The following CUX1 variants were observed in gnomAD, a reference collection of about 807,000 sequenced individuals.
CUX1 encodes cut like homeobox 1.
CUX1 carries 31 observed loss-of-function variants against 158.8 expected under a neutral mutation model. The observed-to-expected ratio is 0.20, with a 90% CI of 0.15 to 0.26. The LOEUF (loss-of-function observed/expected upper bound fraction) is 0.26. CUX1 is among the 10% of genes least tolerant of loss of function. CUX1 has a pLI of 1.00. For missense variants in CUX1, 1,589 were observed against 2,014.6 expected (o/e 0.79, Z 4.04); for synonymous variants, 879 against 862.1 (o/e 1.02, Z -0.34).
intron 1 of CUX1, among the ~76,000 whole-genome samples, chr7:101,898,470 C>T (rs1801765933): frequency 6.6e-6 from 1 of 152,164 alleles, no homozygotes; most frequent in Non-Finnish European, 1.5e-5. Context: ...CTCGTAATTC[C>T]CTCTTAGTTT....
At chr7:102,042,281 C>G (rs576683649) in intron 3 of CUX1, among the ~76,000 whole-genome samples, 1 of 152,134 alleles carries the variant, frequency 6.6e-6, no homozygotes, top group Non-Finnish European at 1.5e-5. Context: ...CCTGACATTC[C>G]GGTGTAGAAG....
chr7:101,864,725 A>G (rs1797777002), intron 1 of CUX1, among the ~76,000 whole-genome samples: 1 of 151,270 alleles, frequency 6.6e-6, no homozygotes, highest in Non-Finnish European at 1.5e-5. Context: ...TAATTTTTAT[A>G]TTTTTAGTAG....
intron 3 of CUX1, among the ~76,000 whole-genome samples, chr7:102,064,470 C>T (rs879765179): frequency 1.1e-4 from 16 of 151,886 alleles, no homozygotes; most frequent in Admixed American, 6.5e-5. Flanking sequence ...TCACCTTAGA[C>T]GTTTGCTCAT....
At chr7:102,214,261 C>T (rs149013319) in intron 20 of CUX1, among the ~76,000 whole-genome samples, 139 of 152,298 alleles carry the variant, frequency 9.1e-4, no homozygotes, top group African/African-American at 3.3e-3. Context: ...TGGTGGCTGA[C>T]GCCTGTAATC....
intron 13 of CUX1, among the ~76,000 whole-genome samples, chr7:102,194,949 A>G (rs1168522529): frequency 6.6e-6 from 1 of 152,024 alleles, no homozygotes; most frequent in Non-Finnish European, 1.5e-5. Flanking sequence ...ACTTGAACCC[A>G]GGAGCCAGAG....
At chr7:102,034,981 A>C (rs1337849216) in intron 3 of CUX1, among the ~76,000 whole-genome samples, 1 of 151,742 alleles carries the variant, frequency 6.6e-6, no homozygotes, top group Non-Finnish European at 1.5e-5. Flanking sequence ...CTAGGAATAG[A>C]GGGAAACATC....
chr7:102,199,012 C>T (rs1308732245), intron 16 of CUX1, 145 bp downstream of exon 16: 12 of 723,298 alleles, frequency 1.7e-5, no homozygotes, highest in East Asian at 2.7e-5. Context: ...AAACAAGGCA[C>T]GGGTTCAAGC....
chr7:101,877,756 TTGTGTGTGTGTGTGTGTG>T (rs112494807), intron 1 of CUX1, among the ~76,000 whole-genome samples: 76 of 148,942 alleles, frequency 5.1e-4, no homozygotes, highest in African/African-American at 9.4e-4. Context: ...ATCCCTCCAA[TTGTGTGTGTGTGTGTGTG>T]TGTGTGTGTG....
chr7:102,198,697 C>T, intron 15 of CUX1, 105 bp from the exon 16 acceptor site: 1 of 1,016,930 alleles, frequency 9.8e-7, no homozygotes, highest in South Asian at 1.4e-5. Flanking sequence ...GCCCTGAGCC[C>T]TTTCTTTAGT....
rs374509553 is a variant in CUX1 at position 102,206,638 on chromosome 7, T to G, written c.3130+1468T>G. Among the ~76,000 whole-genome samples, 30 of 152,328 alleles carry G rather than the reference T, an allele frequency of 2.0e-4. No homozygotes were observed. The East Asian group carries it at 5.6e-3, about 28-fold the overall frequency. On this transcript the variant is annotated intron_variant, in intron 20 of 23. Transcript: ENST00000292535. The stretch of plus-strand genomic sequence containing the variant: ...TAGACCAGGTGCGGTGGCTCACGCC[T>G]GTAATCCCAACACTTTGGGAGGCCG...
intron 17 of CUX1, chr7:102,277,930 C>CG: frequency 8.7e-7 from 1 of 1,145,594 alleles, no homozygotes; most frequent in Non-Finnish European, 1.2e-6. Context: ...CACCCCTTTC[C>CG]TTGCCCCTCC....
In CUX1 at chr7:102,171,187, G is replaced by A. The variant is rs149169739; in HGVS notation, c.828+637G>A. Among the ~76,000 whole-genome samples, 314 of 152,216 alleles carry A rather than the reference G, an allele frequency of 2.1e-3. 2 individuals are homozygous for A. The highest frequency in any genetic ancestry group is 7.2e-3 in the African/African-American group (299 of 41,548). On this transcript the variant is annotated intron_variant, in intron 10 of 23. Coordinates refer to ENST00000292535, the MANE Select transcript of CUX1 (RefSeq NM_181552.4). Reference sequence around the variant, plus strand: ...ATGCTGTATAGGGACAAGGAACAGCGTAGGAGCTAAGACCTTGGGTGTTGG... The same window carrying A: ...ATGCTGTATAGGGACAAGGAACAGCATAGGAGCTAAGACCTTGGGTGTTGG...
At chr7:102,172,306 G>A (rs187363499) in intron 10 of CUX1, among the ~76,000 whole-genome samples, 3 of 152,204 alleles carry the variant, frequency 2.0e-5, no homozygotes, top group African/African-American at 7.2e-5. Context: ...TGCCCAGGCT[G>A]GTCTTGAACT....
intron 7 of CUX1, among the ~76,000 whole-genome samples, chr7:102,114,171 G>A (rs376881318): frequency 1.4e-4 from 21 of 152,090 alleles, no homozygotes; most frequent in African/African-American, 4.1e-4. Flanking sequence ...TATTCATACC[G>A]TCCCATTTAT....
At position 102,216,659 on chromosome 7, in the gene CUX1, CCA is replaced by C. The variant is rs1254542474; in HGVS notation, c.3131-10700_3131-10699del. On this transcript the variant is annotated intron_variant, in intron 20 of 23. Coordinates refer to ENST00000292535, the MANE Select transcript of CUX1 (RefSeq NM_181552.4). Reference sequence around the variant, plus strand: ...CACACACGCACACACACACACTCTCCCACACACACTCACACACACACACTCCC... The same window carrying C: ...CACACACGCACACACACACACTCTCCCACACACTCACACACACACACTCCC... Among the ~76,000 whole-genome samples the C allele has an allele frequency of 8.6e-5, 5 of 58,144 alleles. 1 individual carries two copies. The highest frequency in any genetic ancestry group is 1.0e-4 in the African/African-American group (2 of 19,628). The allele number at this position is 58,144 out of a possible 152,430, so 38.1% of individuals were successfully genotyped here.
At chr7:102,137,367 G>A (rs1261350775) in intron 8 of CUX1, among the ~76,000 whole-genome samples, 1 of 152,142 alleles carries the variant, frequency 6.6e-6, no homozygotes, top group Non-Finnish European at 1.5e-5. Flanking sequence ...TGGGCGCGGT[G>A]GCTCACACCT....
In CUX1 at chr7:102,212,517, T is replaced by C. The variant is rs564344000; in HGVS notation, c.3130+7347T>C. Among the ~76,000 whole-genome samples the C allele has an allele frequency of 3.3e-5, 5 of 152,316 alleles. No homozygotes were observed. In the South Asian group the frequency reaches 1.0e-3, roughly 32 times the overall value. On this transcript the variant is annotated intron_variant, in intron 20 of 23. Coordinates refer to ENST00000292535, the MANE Select transcript of CUX1 (RefSeq NM_181552.4). Reference sequence around the variant, plus strand: ...CCCAGAGTCACCGATTTATTTGACTTTTTTGTTTTTATTATGATTTGCAGG... The same window carrying C: ...CCCAGAGTCACCGATTTATTTGACTCTTTTGTTTTTATTATGATTTGCAGG...
At chr7:101,996,838 C>T (rs891702490) in intron 2 of CUX1, among the ~76,000 whole-genome samples, 14 of 152,002 alleles carry the variant, frequency 9.2e-5, no homozygotes, top group African/African-American at 3.1e-4. Flanking sequence ...GCTCCTCTGC[C>T]GCATACATAC....
In CUX1 at chr7:102,239,334, C is replaced by T; in HGVS notation, c.3637C>T (p.Arg1213Trp). The T allele has an allele frequency of 6.2e-7, 1 of 1,605,480 alleles. No homozygotes were observed. The change falls in exon 23 of 24, where the codon CGG (arginine) becomes TGG (tryptophan). Residue 1213 changes from arginine (R) to tryptophan (W), a missense_variant. Physicochemically the swap from Arg to Trp is moderately radical, Grantham distance 101. Around this residue, in one of 8 missense-constraint regions of CUX1, gnomAD observed 259 missense variants for 373.8 expected, o/e 0.69. Transcript: ENST00000292535. Reference sequence around the variant, plus strand: ...TTCCTCCGCAGCCTACATGAAGCGGCGGCACAGCTCAGTCAGTGACAGCCA... The same window carrying T: ...TTCCTCCGCAGCCTACATGAAGCGGTGGCACAGCTCAGTCAGTGACAGCCA... ...RMEKKAYMKR[R>W]HSSVSDSQPC...
Sources: gnomAD v4.1 joint callset for allele counts (sites outside exome capture counted in the v4.1 genomes callset) on GRCh38, gnomAD v4.1.1 for gene constraint, gnomAD v4.1.1 regional missense constraint, MANE v1.5 for transcripts, NCBI Gene and HGNC (gene_info 2026-07-23, HGNC 2026-07-21) for gene names.